The following LRP1B variants were observed in gnomAD, a reference collection of about 807,000 sequenced individuals.
LRP1B encodes the protein LDL receptor related protein 1B.
A neutral mutation model predicts 556.6 loss-of-function variants in LRP1B; 217 were observed. The observed-to-expected ratio is 0.39, with a 90% CI of 0.35 to 0.44. The LOEUF (loss-of-function observed/expected upper bound fraction) is 0.44. Ranked by LOEUF, LRP1B falls within the 20% of genes least tolerant of loss-of-function variation. The probability of loss-of-function intolerance (pLI) is 1.00; values close to 1 mark genes in which losing one functional copy is unlikely to be tolerated. For synonymous variants in LRP1B, 2,047 were observed against 1,865.8 expected (o/e 1.10, Z -2.50); for missense variants, 5,053 against 5,620.8 (o/e 0.90, Z 3.23).
intron 35 of LRP1B, among the ~76,000 whole-genome samples, chr2:140,751,696 G>A (rs932171952): frequency 6.6e-6 from 1 of 152,082 alleles, no homozygotes; most frequent in African/African-American, 2.4e-5. Flanking sequence ...ATTTTGATGA[G>A]ACAGCATCTC....
intron 67 of LRP1B, 109 bp from the exon 68 acceptor site, chr2:140,378,395 C>A: frequency 1.6e-6 from 1 of 610,034 alleles, no homozygotes; most frequent in Non-Finnish European, 2.9e-6. Flanking sequence ...AGAGGTTAGT[C>A]AGACAGAACC....
intron 41 of LRP1B, among the ~76,000 whole-genome samples, chr2:140,660,664 T>C (rs1386206874): frequency 6.6e-6 from 1 of 152,142 alleles, no homozygotes; most frequent in Non-Finnish European, 1.5e-5. Context: ...GAGTCTCTTA[T>C]ATCCTGAAAC....
At chr2:140,826,439 G>A (rs1573770159) in intron 31 of LRP1B, among the ~76,000 whole-genome samples, 1 of 152,190 alleles carries the variant, frequency 6.6e-6, no homozygotes, top group Non-Finnish European at 1.5e-5. Context: ...AATTGCAGAA[G>A]AGAAGCCAGA....
chr2:141,543,915 C>A (rs1685363217), intron 2 of LRP1B, among the ~76,000 whole-genome samples: 1 of 152,104 alleles, frequency 6.6e-6, no homozygotes, highest in Non-Finnish European at 1.5e-5. Context: ...ATTCTCCTCA[C>A]AGCTCTTTTC....
chr2:141,490,394 T>TGTGTGTGTGTGTGTGC (rs1683288851), intron 2 of LRP1B, among the ~76,000 whole-genome samples: 1 of 151,878 alleles, frequency 6.6e-6, no homozygotes, highest in Non-Finnish European at 1.5e-5. Flanking sequence ...TGTGTGTGTG[T>TGTGTGTGTGTGTGTGC]GTGTGTTTTC....
rs566417439 is a variant in LRP1B at position 140,286,004 on chromosome 2, G to A, written c.12968-11406C>T. Among the ~76,000 whole-genome samples the A allele has an allele frequency of 1.1e-4, 16 of 151,818 alleles. No homozygotes were observed. In the South Asian group the frequency reaches 3.3e-3, roughly 31 times the overall value. On this transcript the variant is annotated intron_variant, in intron 84 of 90. Coordinates refer to ENST00000389484, the MANE Select transcript of LRP1B (RefSeq NM_018557.3). ...ACTTCTTTACTTTTCATAATCTCTAGTCTCACTACCTGACATATAACATGT... is the reference window on the plus strand; with the variant it reads ...ACTTCTTTACTTTTCATAATCTCTAATCTCACTACCTGACATATAACATGT...
chr2:141,890,395 A>ATATATACATATATATGTATTGTG (rs1699255948), intron 1 of LRP1B, among the ~76,000 whole-genome samples: 2 of 122,518 alleles, frequency 1.6e-5, no homozygotes, highest in Middle Eastern at 3.9e-3. Context: ...TATATAGTGT[A>ATATATACATATATATGTATTGTG]TATATATATA....
intron 32 of LRP1B, among the ~76,000 whole-genome samples, chr2:140,785,264 T>G (rs1028358632): frequency 1.3e-5 from 2 of 152,096 alleles, no homozygotes; most frequent in African/African-American, 4.8e-5. Context: ...AGCACCTTTC[T>G]CAGAAAGCTG....
At chr2:141,521,356 G>A (rs542068397) in intron 2 of LRP1B, among the ~76,000 whole-genome samples, 128 of 152,018 alleles carry the variant, frequency 8.4e-4, no homozygotes, top group African/African-American at 3.0e-3. Context: ...ACAGTGTGAG[G>A]TTTCCAGTTT....
intron 2 of LRP1B, among the ~76,000 whole-genome samples, chr2:141,670,718 T>G (rs1690634860): frequency 6.6e-6 from 1 of 152,222 alleles, no homozygotes; most frequent in African/African-American, 2.4e-5. Context: ...ATCTGTGCAG[T>G]GAAATAAAAA....
chr2:141,940,380 C>T, intron 1 of LRP1B, among the ~76,000 whole-genome samples: 1 of 151,818 alleles, frequency 6.6e-6, no homozygotes, highest in Non-Finnish European at 1.5e-5. Flanking sequence ...GTGCTTAAAC[C>T]CAAAGGACTC....
At chr2:141,312,132 A>G (rs1686833335) in intron 3 of LRP1B, among the ~76,000 whole-genome samples, 5 of 152,154 alleles carry the variant, frequency 3.3e-5, no homozygotes, top group Admixed American at 3.3e-4. Flanking sequence ...TGTTTTCGAT[A>G]AAAGTTACAC....
At chr2:142,072,153 C>T (rs11883776) in intron 1 of LRP1B, among the ~76,000 whole-genome samples, 7 of 151,936 alleles carry the variant, frequency 4.6e-5, no homozygotes, top group African/African-American at 1.4e-4. Flanking sequence ...GTTAGTTCAG[C>T]GGTTGCCTAA....
At chr2:141,221,960 C>G (rs1221054643) in intron 6 of LRP1B, among the ~76,000 whole-genome samples, 1 of 151,966 alleles carries the variant, frequency 6.6e-6, no homozygotes, top group Non-Finnish European at 1.5e-5. Flanking sequence ...CACTAAGTGC[C>G]CACATCAAAA....
chr2:140,938,534 G>C (rs1458085479), intron 20 of LRP1B, among the ~76,000 whole-genome samples: 1 of 151,960 alleles, frequency 6.6e-6, no homozygotes, highest in African/African-American at 2.4e-5. Context: ...GCAGTTACTG[G>C]GGGTTCATTT....
At chr2:140,693,285 C>T (rs1407869965) in intron 41 of LRP1B, among the ~76,000 whole-genome samples, 1 of 152,124 alleles carries the variant, frequency 6.6e-6, no homozygotes, top group East Asian at 1.9e-4. Context: ...CTACTATCAA[C>T]ATGTGCAGTT....
intron 2 of LRP1B, among the ~76,000 whole-genome samples, chr2:141,666,393 T>C (rs936265220): frequency 6.6e-6 from 1 of 152,160 alleles, no homozygotes; most frequent in South Asian, 2.1e-4. Context: ...CCATGTTTGT[T>C]TGTTTGTTTA....
chr2:141,166,155 C>T lies in LRP1B; in HGVS notation c.1013+22266G>A, dbSNP rs758993541. On this transcript the variant is annotated intron_variant, in intron 7 of 90. Coordinates refer to ENST00000389484, the MANE Select transcript of LRP1B (RefSeq NM_018557.3). ...CGAAACTGTAAATCTACCTGAAAAA[C>T]TCCTCTGTTTAACCCAACCATACCA... Among the ~76,000 whole-genome samples the T allele has an allele frequency of 7.2e-5, 11 of 152,032 alleles. 1 individual carries two copies. The South Asian group carries it at 2.3e-3, about 32-fold the overall frequency.
chr2:141,376,755 A>G (rs1453397063), intron 3 of LRP1B, among the ~76,000 whole-genome samples: 1 of 152,202 alleles, frequency 6.6e-6, no homozygotes, highest in Non-Finnish European at 1.5e-5. Flanking sequence ...GAAATAACAC[A>G]TTATTTTTAT....
Sources: allele counts gnomAD v4.1 joint callset (sites outside exome capture counted in the v4.1 genomes callset), GRCh38; gene constraint gnomAD v4.1.1; transcripts MANE v1.5; gene names NCBI Gene and HGNC (gene_info 2026-07-23, HGNC 2026-07-21).